Variants in RSRC1 observed in about 807,000 individuals in gnomAD.
RSRC1 encodes the protein arginine and serine rich coiled-coil 1, also known as serine/Arginine-related protein 53.
Under a neutral mutation model 49.1 loss-of-function variants are expected in RSRC1, and 39 were observed. The ratio of observed to expected loss-of-function variants is 0.79; its 90% confidence interval spans 0.61 to 1.04. The LOEUF (loss-of-function observed/expected upper bound fraction) is 1.04. RSRC1 is among the 50% of genes least tolerant of loss of function. The pLI is 0.00. For synonymous variants in RSRC1, 143 were observed against 130.8 expected, an observed-to-expected ratio of 1.09 and a Z score of -0.63; for missense variants, 388 against 402.4, an observed-to-expected ratio of 0.96 and a Z score of 0.31.
intron 3 of RSRC1, among the ~76,000 whole-genome samples, chr3:158,188,403 C>A (rs1438301333): frequency 2.6e-5 from 4 of 151,878 alleles, no homozygotes; most frequent in Admixed American, 2.0e-4. Context: ...CTTTGCAAAT[C>A]CTAGCCACCT....
Position 158,301,565 on chromosome 3 carries a change from C to T in RSRC1, c.531+3490C>T, listed in dbSNP as rs564814714. Among the ~76,000 whole-genome samples, 3 of 152,178 alleles carry T rather than the reference C, an allele frequency of 2.0e-5. No homozygotes were observed. The South Asian group carries it at 6.2e-4, about 32-fold the overall frequency. ...CTTATAACAAGTGAGAACTCTGACTCCTAATAACACCAATACTGTTACTCA... is the reference window on the plus strand; with the variant it reads ...CTTATAACAAGTGAGAACTCTGACTTCTAATAACACCAATACTGTTACTCA... On this transcript the variant is annotated intron_variant, in intron 5 of 9. Coordinates refer to ENST00000611884, the MANE Select transcript of RSRC1 (RefSeq NM_001271838.2).
At position 158,538,064 on chromosome 3, in the gene RSRC1, A is replaced by G. The variant is rs141376504; in HGVS notation, c.759+866A>G. ...ATTCTACCAATTCAAATTCCACCCA[A>G]AAGTTCAAAGAGATATCTGCCTCCC... On this transcript the variant is annotated intron_variant, in intron 8 of 9. Transcript: ENST00000611884. 1.4e-3 allele frequency among the ~76,000 whole-genome samples: 206 copies of G among 151,908 alleles called. 1 individual carries two copies. Among genetic ancestry groups the G allele is most frequent in the African/African-American group, 4.8e-3 (200 of 41,542 alleles).
intron 6 of RSRC1, among the ~76,000 whole-genome samples, chr3:158,434,550 A>G (rs947176116): frequency 1.3e-5 from 2 of 151,934 alleles, no homozygotes; most frequent in Non-Finnish European, 2.9e-5. Context: ...CTGTCATTCC[A>G]TTTGTTAACA....
At chr3:158,324,712 T>G (rs1362927977) in intron 5 of RSRC1, among the ~76,000 whole-genome samples, 1 of 152,198 alleles carries the variant, frequency 6.6e-6, no homozygotes, top group Non-Finnish European at 1.5e-5. Context: ...TGTGTCTTTA[T>G]AGCAGCATGA....
chr3:158,284,147 G>T (rs1173568238), intron 4 of RSRC1, among the ~76,000 whole-genome samples: 1 of 150,860 alleles, frequency 6.6e-6, no homozygotes, highest in Non-Finnish European at 1.5e-5. Context: ...GTGGTGTTTG[G>T]TTTTTTATTC....
intron 3 of RSRC1, among the ~76,000 whole-genome samples, chr3:158,199,982 A>ATCATTAAT (rs112787777): frequency 6.6e-6 from 1 of 151,712 alleles, no homozygotes; most frequent in East Asian, 1.9e-4. Context: ...ATGTGACATT[A>ATCATTAAT]ATATATTAAC....
intron 6 of RSRC1, among the ~76,000 whole-genome samples, chr3:158,376,462 C>A (rs978245559): frequency 6.6e-6 from 1 of 151,780 alleles, no homozygotes; most frequent in Non-Finnish European, 1.5e-5. Context: ...ATGCCCAGCC[C>A]CTGTGTAGTT....
At chr3:158,204,206 TC>T (rs1275970005) in intron 4 of RSRC1, among the ~76,000 whole-genome samples, 1 of 152,208 alleles carries the variant, frequency 6.6e-6, no homozygotes, top group Non-Finnish European at 1.5e-5. Flanking sequence ...CAGAACTCTT[TC>T]CTCATTCCTT....
chr3:158,219,312 T>C (rs940592364), intron 4 of RSRC1, among the ~76,000 whole-genome samples: 1 of 151,492 alleles, frequency 6.6e-6, no homozygotes, highest in Non-Finnish European at 1.5e-5. Context: ...TCTTTCATTC[T>C]CCTCCTCTTT....
At chr3:158,218,412 A>G (rs946999463) in intron 4 of RSRC1, among the ~76,000 whole-genome samples, 3 of 151,766 alleles carry the variant, frequency 2.0e-5, no homozygotes, top group South Asian at 2.1e-4. Context: ...ATTTAATGAT[A>G]GGTTTGATTT....
chr3:158,178,562 CTT>C (rs1171418474), intron 3 of RSRC1, among the ~76,000 whole-genome samples: 4 of 152,288 alleles, frequency 2.6e-5, no homozygotes, highest in South Asian at 2.1e-4. Flanking sequence ...TTTATTTTCT[CTT>C]GTTAATTTTC....
intron 6 of RSRC1, among the ~76,000 whole-genome samples, chr3:158,426,654 TA>T (rs886409284): frequency 4.0e-5 from 6 of 151,604 alleles, no homozygotes; most frequent in African/African-American, 9.7e-5. Flanking sequence ...ATATCCTTTT[TA>T]AAAAAAATTG....
At chr3:158,156,545 C>T (rs144239657) in intron 3 of RSRC1, among the ~76,000 whole-genome samples, 37 of 152,238 alleles carry the variant, frequency 2.4e-4, no homozygotes, top group African/African-American at 8.4e-4. Context: ...TTTGATATGC[C>T]TTCCTTGCAA....
intron 5 of RSRC1, among the ~76,000 whole-genome samples, chr3:158,307,271 G>A (rs1727888299): frequency 6.6e-6 from 1 of 151,888 alleles, no homozygotes; most frequent in Non-Finnish European, 1.5e-5. Flanking sequence ...CTGTGCACTG[G>A]CACTTAACCT....
intron 7 of RSRC1, among the ~76,000 whole-genome samples, chr3:158,496,038 T>C (rs780134255): frequency 3.9e-5 from 6 of 152,158 alleles, no homozygotes; most frequent in Admixed American, 2.0e-4. Context: ...GAGAAATTAT[T>C]GGGGAATGAT....
intron 3 of RSRC1, among the ~76,000 whole-genome samples, chr3:158,165,207 A>G (rs897944602): frequency 1.3e-5 from 2 of 152,216 alleles, no homozygotes; most frequent in African/African-American, 4.8e-5. Context: ...GAAGCTTGGT[A>G]AACTGAGCTT....
chr3:158,229,773 T>G (rs962979785), intron 4 of RSRC1, among the ~76,000 whole-genome samples: 6 of 91,920 alleles, frequency 6.5e-5, no homozygotes, highest in Non-Finnish European at 1.1e-4. Context: ...CAAATTCTCT[T>G]TGTTTCTCTT....
At chr3:158,461,613 G>T (rs575959080) in intron 7 of RSRC1, among the ~76,000 whole-genome samples, 16 of 151,286 alleles carry the variant, frequency 1.1e-4, no homozygotes, top group Non-Finnish European at 1.9e-4. Context: ...TTTTCTTCAC[G>T]GGGGATTATA....
At chr3:158,375,195 ATTATTAAC>A (rs1467754396) in intron 6 of RSRC1, among the ~76,000 whole-genome samples, 1 of 87,580 alleles carries the variant, frequency 1.1e-5, no homozygotes, top group African/African-American at 4.1e-5. Flanking sequence ...TATTATTATT[ATTATTAAC>A]TTATTTTTTT....
Sources: allele counts gnomAD v4.1 joint callset (sites outside exome capture counted in the v4.1 genomes callset), GRCh38; gene constraint gnomAD v4.1.1; transcripts MANE v1.5; gene names NCBI Gene and HGNC (gene_info 2026-07-23, HGNC 2026-07-21).